Variants in DNAH10 observed in about 807,000 individuals in gnomAD.
DNAH10 encodes axonemal beta dynein heavy chain 10.
Under a neutral mutation model 506.6 loss-of-function variants are expected in DNAH10, and 348 were observed. The ratio of observed to expected loss-of-function variants is 0.69; its 90% CI spans 0.63 to 0.75. The LOEUF is 0.75. DNAH10 is among the 30% of genes least tolerant of loss of function. The pLI is 0.00. For missense variants in DNAH10, 5,179 were observed against 5,787.1 expected, an observed-to-expected ratio of 0.89 and a Z score of 3.41; for synonymous variants, 2,059 against 2,198.6, an observed-to-expected ratio of 0.94 and a Z score of 1.78.
Position 123,867,927 on chromosome 12 carries a change from G to C in DNAH10, c.7327G>C (p.Asp2443His). Residue 2443 changes from aspartate to histidine, a missense_variant, in exon 43 of 79, where the codon GAT (aspartate) becomes CAT (histidine). This residue lies in a region of DNAH10 where 4,844 missense variants were observed against 5,430.5 expected (regional missense o/e 0.89). Coordinates refer to ENST00000673944, the MANE Select transcript of DNAH10 (RefSeq NM_001372106.1). Reference protein sequence around the residue: ...NMVTQLAKMLDALLEGEIEDL... With the variant: ...NMVTQLAKMLHALLEGEIEDL... Reference sequence around the variant, plus strand: ...GGTAACCCAGTTAGCCAAGATGTTGGATGCGTTGCTAGAAGGAGAAATAGA... The same window carrying C: ...GGTAACCCAGTTAGCCAAGATGTTGCATGCGTTGCTAGAAGGAGAAATAGA... 6.2e-7 allele frequency: 1 copy of C among 1,613,764 alleles called. No individual in the cohort carries two copies.
At chr12:123,906,161 T>C (rs1953769618) in intron 57 of DNAH10, among the ~76,000 whole-genome samples, 1 of 152,122 alleles carries the variant, frequency 6.6e-6, no homozygotes, top group African/African-American at 2.4e-5. Context: ...CTCGATCTCC[T>C]GACCTTGTGA....
At chr12:123,810,100 G>A (rs1958874091) in intron 19 of DNAH10, among the ~76,000 whole-genome samples, 1 of 152,206 alleles carries the variant, frequency 6.6e-6, no homozygotes, top group Admixed American at 6.5e-5. Flanking sequence ...GACCTTGAGT[G>A]TTTTGTTCCC....
chr12:123,792,171 T>A (rs1958102391), intron 11 of DNAH10, among the ~76,000 whole-genome samples: 1 of 152,214 alleles, frequency 6.6e-6, no homozygotes, highest in Admixed American at 6.5e-5. Context: ...TATGCAAATA[T>A]TGTTCATTGC....
chr12:123,879,488 G>T, intron 49 of DNAH10, 131 bp downstream of exon 49: 2 of 1,434,286 alleles, frequency 1.4e-6, no homozygotes. Context: ...AAAGGAGGGT[G>T]GGTGGGTTAT....
chr12:123,801,838 A>T (rs1958492502), intron 16 of DNAH10, among the ~76,000 whole-genome samples: 4 of 152,256 alleles, frequency 2.6e-5, no homozygotes, highest in Admixed American at 2.6e-4. Flanking sequence ...AGATATTGAC[A>T]TTGATACAGT....
Position 123,932,126 on chromosome 12 carries a change from G to C in DNAH10, c.13296+18G>C, listed in dbSNP as rs755064913. ...TGTTGTGGGTAAGTGGCACGTCACC[G>C]CCTCCTCTCTGCCGATTCAGGTGTC... On this transcript the variant is annotated intron_variant, in intron 76 of 78. Transcript: ENST00000673944. 2 of 1,612,314 alleles carry C rather than the reference G, an allele frequency of 1.2e-6. No homozygotes were observed. The highest frequency in any genetic ancestry group is 1.7e-6 in the Non-Finnish European group (2 of 1,179,740).
rs1395914340 is a variant in DNAH10, at chr12:123,771,732, A to G, written c.396+34A>G. The G allele has an allele frequency of 3.9e-6, 6 of 1,548,500 alleles. No homozygotes were observed. The African/African-American group carries it at 8.2e-5, about 21-fold the overall frequency. On this transcript the variant is annotated intron_variant, in intron 3 of 78. Transcript: ENST00000673944. ...GGCTCTTTGTCCTTGTTGGTGGGGT[A>G]ATGGGGACCCTTGATGCCCTCTAGG...
At position 123,929,336 on chromosome 12, in the gene DNAH10, C is replaced by CA; in HGVS notation, c.12368_12369insA (p.His4124SerfsTer42). The CA allele has an allele frequency of 1.2e-6, 2 of 1,608,654 alleles. No individual in the cohort carries two copies. The highest frequency in any genetic ancestry group is 1.7e-6 in the Non-Finnish European group (2 of 1,177,552). On this transcript the variant is annotated frameshift_variant, in exon 71 of 79. Coordinates refer to ENST00000673944, the MANE Select transcript of DNAH10 (RefSeq NM_001372106.1). LOFTEE classifies it high-confidence loss of function. Reference sequence around the variant, plus strand: ...ATGAGGGCAACTTACTTCAAGATCTCTCACGAAATGCTGGACCAGTGCCCG... The same window carrying CA: ...ATGAGGGCAACTTACTTCAAGATCTCATCACGAAATGCTGGACCAGTGCCCG...
chr12:123,846,479 G>T lies in DNAH10; in HGVS notation c.5814+325G>T. The stretch of plus-strand genomic sequence containing the variant: ...ATGTGGTTTTGCACGTCTTGTGACA[G>T]CTTTTATTCCAGAATATATCCGTTC... On this transcript the variant is annotated intron_variant, in intron 32 of 78. Coordinates refer to ENST00000673944, the MANE Select transcript of DNAH10 (RefSeq NM_001372106.1). The surrounding 1 kb of genome is among the most constrained non-coding windows in gnomAD (Gnocchi z 4.5). Among the ~76,000 whole-genome samples the T allele has an allele frequency of 6.6e-6, 1 of 152,188 alleles. No individual in the cohort carries two copies. Among genetic ancestry groups the T allele is most frequent in the South Asian group, 2.1e-4 (1 of 4,834 alleles).
chr12:123,896,148 C>CACACACACACAG (rs1383690518), intron 54 of DNAH10, among the ~76,000 whole-genome samples: 107 of 95,278 alleles, frequency 1.1e-3, no homozygotes, highest in South Asian at 4.5e-3. Flanking sequence ...CACACACACA[C>CACACACACACAG]AGAGAGAGAG....
At chr12:123,923,962 C>A (rs901843983) in intron 66 of DNAH10, 95 bp downstream of exon 66, 2 of 980,134 alleles carry the variant, frequency 2.0e-6, no homozygotes, top group Non-Finnish European at 3.0e-6. Context: ...AACAAAAATT[C>A]TCCTTAAAAC....
chr12:123,764,484 C>T (rs1448217862), intron 1 of DNAH10, among the ~76,000 whole-genome samples: 4 of 151,992 alleles, frequency 2.6e-5, no homozygotes, highest in East Asian at 3.9e-4. Flanking sequence ...ACTCGGGTTT[C>T]GTTTACATTA....
At chr12:123,830,118 C>T (rs1327106345) in intron 25 of DNAH10, among the ~76,000 whole-genome samples, 2 of 152,212 alleles carry the variant, frequency 1.3e-5, no homozygotes, top group Admixed American at 1.3e-4. Context: ...CCCTTGATAA[C>T]TCTGTACCCC....
intron 16 of DNAH10, among the ~76,000 whole-genome samples, chr12:123,803,420 G>A (rs1294004488): frequency 6.6e-6 from 1 of 152,106 alleles, no homozygotes; most frequent in Non-Finnish European, 1.5e-5. Flanking sequence ...GCTCCAGCCA[G>A]GACCGTGCTA....
intron 32 of DNAH10, among the ~76,000 whole-genome samples, chr12:123,847,183 CATCCATCCATGTATCT>C (rs1565985544): frequency 6.8e-6 from 1 of 147,330 alleles, no homozygotes; most frequent in African/African-American, 2.6e-5. Flanking sequence ...TCCATCCATC[CATCCATCCATGTATCT>C]ATCCATCCAT....
intron 24 of DNAH10, among the ~76,000 whole-genome samples, chr12:123,823,470 C>T (rs1959638300): frequency 6.6e-6 from 1 of 152,006 alleles, no homozygotes. Context: ...GAGAAGATTC[C>T]AGAGATGGGG....
chr12:123,847,074 G>C (rs1363333552), intron 32 of DNAH10, among the ~76,000 whole-genome samples: 1 of 151,230 alleles, frequency 6.6e-6, no homozygotes, highest in Non-Finnish European at 1.5e-5. Flanking sequence ...CTGTCTGTCT[G>C]TCTGTGTATC....
At chr12:123,821,220 A>G (rs1207847024) in intron 24 of DNAH10, among the ~76,000 whole-genome samples, 1 of 152,086 alleles carries the variant, frequency 6.6e-6, no homozygotes, top group Non-Finnish European at 1.5e-5. Flanking sequence ...ATTGCACTCC[A>G]GCCTGGGCGA....
At chr12:123,793,307 G>T (rs1329118568) in intron 11 of DNAH10, among the ~76,000 whole-genome samples, 1 of 151,224 alleles carries the variant, frequency 6.6e-6, no homozygotes, top group Admixed American at 6.6e-5. Flanking sequence ...CCTATTTTCA[G>T]CATTAGGTTG....
Sources: allele counts gnomAD v4.1 joint callset (sites outside exome capture counted in the v4.1 genomes callset), GRCh38; gene constraint gnomAD v4.1.1; regional missense constraint gnomAD v4.1.1; non-coding constraint Gnocchi (gnomAD v3.1); transcripts MANE v1.5; gene names NCBI Gene and HGNC (gene_info 2026-07-23, HGNC 2026-07-21).